Variants in C9orf72 observed in about 807,000 individuals in gnomAD.
C9orf72 encodes the protein guanine nucleotide exchange factor C9orf72.
In C9orf72, 44 loss-of-function variants were observed where a neutral mutation model predicts 51.6. The ratio of observed to expected loss-of-function variants is 0.85; its 90% confidence interval spans 0.67 to 1.10. C9orf72 has a LOEUF of 1.10. C9orf72 is among the 50% of genes least tolerant of loss of function. The probability of loss-of-function intolerance (pLI) is 0.00; values close to 1 mark genes in which losing one functional copy is unlikely to be tolerated. For missense variants in C9orf72, 607 were observed against 570.6 expected (o/e 1.06, Z -0.65); for synonymous variants, 213 against 194.2 (o/e 1.10, Z -0.81).
chr9:27,550,366 A>G (rs892198668), intron 9 of C9orf72, among the ~76,000 whole-genome samples: 12 of 152,142 alleles, frequency 7.9e-5, no homozygotes, highest in Admixed American at 3.3e-4. Context: ...TCTTATTATT[A>G]TATCTTTAAA....
chr9:27,548,337 T>A lies in C9orf72; in HGVS notation c.1345A>T (p.Met449Leu). 6.2e-7 allele frequency: 1 copy of A among 1,611,836 alleles called. No homozygotes were observed. The highest frequency in any genetic ancestry group is 2.2e-5 in the East Asian group (1 of 44,776). Reference sequence around the variant, plus strand: ...GGTTTAATTTTCTCAGCCAGAGCCATTATTATGTTAAGATCGCCCTCTGCT... The same window carrying A: ...GGTTTAATTTTCTCAGCCAGAGCCAATATTATGTTAAGATCGCCCTCTGCT... ...LTAEGDLNII[M>L]ALAEKIKPGL... is the part of the protein sequence containing the mutation. The change falls in exon 11 of 11, where the codon ATG becomes TTG. Residue 449 changes from methionine (M) to leucine (L), a missense_variant. Transcript: ENST00000380003.
chr9:27,557,996 C>A (rs892003050), intron 7 of C9orf72, among the ~76,000 whole-genome samples: 3 of 150,880 alleles, frequency 2.0e-5, no homozygotes, highest in Non-Finnish European at 4.4e-5. Flanking sequence ...TGCTAATTTA[C>A]ATTTCTCTGT....
intron 3 of C9orf72, among the ~76,000 whole-genome samples, chr9:27,563,163 A>G (rs1819391281): frequency 1.3e-5 from 2 of 152,220 alleles, no homozygotes; most frequent in African/African-American, 4.8e-5. Flanking sequence ...CATACTCATA[A>G]AAGTATAATC....
intron 3 of C9orf72, 148 bp from the exon 4 acceptor site, chr9:27,562,624 CAT>C (rs1277990810): frequency 4.7e-6 from 2 of 425,722 alleles, no homozygotes; most frequent in African/African-American, 4.1e-5. Context: ...AAGTCTACTA[CAT>C]GTCTAAAGGA....
Position 27,562,455 on chromosome 9 carries a change from G to T in C9orf72, c.526C>A (p.Leu176Ile). ...EDQGQSIIPM[L>I]TGEVIPVMEL... ...ATTACAGGAATCACTTCTCCAGTAAGCATTGGAATAATACTCTGACCCTGC... is the reference window on the plus strand; with the variant it reads ...ATTACAGGAATCACTTCTCCAGTAATCATTGGAATAATACTCTGACCCTGC... The change falls in exon 4 of 11, where the codon CTT becomes ATT. Residue 176 changes from leucine to isoleucine, a missense_variant. Physicochemically the swap from Leu to Ile is conservative, Grantham distance 5 (BLOSUM62 2). Coordinates refer to ENST00000380003, the MANE Select transcript of C9orf72 (RefSeq NM_018325.5). 6.3e-7 allele frequency: 1 copy of T among 1,587,134 alleles called. No individual in the cohort carries two copies. Among genetic ancestry groups the T allele is most frequent in the Non-Finnish European group, 8.6e-7 (1 of 1,163,648 alleles).
rs1220476531 is a variant in C9orf72 at position 27,548,608 on chromosome 9, A to G, written c.1208T>C (p.Leu403Pro). The G allele has an allele frequency of 6.2e-7, 1 of 1,612,804 alleles. No homozygotes were observed. The highest frequency in any genetic ancestry group is 1.3e-5 in the African/African-American group (1 of 74,894). Reference sequence around the variant, plus strand: ...TGTCAAGGCTTTTCTGTGAAGGACAAGTAGAAACTGTGCAAGGAAAGTACT... The same window carrying G: ...TGTCAAGGCTTTTCTGTGAAGGACAGGTAGAAACTGTGCAAGGAAAGTACT... ...LRSTFLAQFL[L>P]VLHRKALTLI... The change falls in exon 10 of 11, where the codon CTT (leucine) becomes CCT (proline). Residue 403 changes from leucine (L) to proline (P), a missense_variant. Physicochemically the swap from Leu to Pro is moderately conservative, Grantham distance 98. Transcript: ENST00000380003.
chr9:27,560,641 G>GAT, intron 5 of C9orf72: 2 of 1,014,632 alleles, frequency 2.0e-6, no homozygotes, highest in Non-Finnish European at 2.4e-6. Flanking sequence ...GATTTAAAAT[G>GAT]ATGTATGAAA....
In C9orf72 at chr9:27,560,809, T is replaced by C. The variant is rs878966701; in HGVS notation, c.666-510A>G. On this transcript the variant is annotated intron_variant, in intron 5 of 10. Coordinates refer to ENST00000380003, the MANE Select transcript of C9orf72 (RefSeq NM_018325.5). ...ACTTTATACTTTTACTTCTCTTTTA[T>C]TAAAAGTAAAATTTCATGAAAATCT... 52 of 955,038 alleles carry C rather than the reference T, an allele frequency of 5.4e-5. 1 individual carries two copies. The South Asian group carries it at 2.2e-3, about 40-fold the overall frequency. 59.2% of individuals were successfully genotyped at this position (955,038 alleles called of 1,614,324 possible). A position where few individuals can be genotyped will look rare whatever the true frequency, so the allele number is the denominator to read the frequency against.
chr9:27,573,543 C>A (rs541988144), upstream of C9orf72: 5 of 137,030 alleles, frequency 3.6e-5, no homozygotes, highest in African/African-American at 1.3e-4. Context: ...CCGGCCCCGG[C>A]CCCTAGCGCG....
At chr9:27,551,319 TA>T (rs1394177937) in intron 8 of C9orf72, among the ~76,000 whole-genome samples, 2 of 152,158 alleles carry the variant, frequency 1.3e-5, no homozygotes, top group African/African-American at 4.8e-5. Flanking sequence ...AATGGCCACT[TA>T]AAATAATGTG....
intron 6 of C9orf72, chr9:27,559,094 C>G (rs1252514380): frequency 6.6e-6 from 1 of 152,224 alleles, no homozygotes; most frequent in African/African-American, 2.4e-5. Flanking sequence ...ACCTACAGCT[C>G]TATTAGGAAA....
At chr9:27,560,484 A>G in intron 5 of C9orf72, 185 bp from the exon 6 acceptor site, 5 of 630,400 alleles carry the variant, frequency 7.9e-6, no homozygotes, top group Non-Finnish European at 1.2e-5. Context: ...GACCTTTCAC[A>G]GAAATTTTCT....
rs554134109 is a variant in C9orf72 at position 27,551,154 on chromosome 9, A to T, written c.1092-447T>A. On this transcript the variant is annotated intron_variant, in intron 8 of 10. Coordinates refer to ENST00000380003, the MANE Select transcript of C9orf72 (RefSeq NM_018325.5). The stretch of plus-strand genomic sequence containing the variant: ...ATCAAAAACCAAAACAAACCAAAAA[A>T]TGTGAAGAAAAATTTGAGTGAGATT... Among the ~76,000 whole-genome samples, 3 of 152,328 alleles carry T rather than the reference A, an allele frequency of 2.0e-5. No homozygotes were observed. The South Asian group carries it at 6.2e-4, about 32-fold the overall frequency.
At position 27,561,621 on chromosome 9, in the gene C9orf72, T is replaced by TC. The variant is rs1238416907; in HGVS notation, c.628dup (p.Asp210GlyfsTer4). 6.2e-7 allele frequency: 1 copy of TC among 1,609,940 alleles called. No individual in the cohort carries two copies. The highest frequency in any genetic ancestry group is 8.5e-7 in the Non-Finnish European group (1 of 1,177,228). ...GCCTTCATGACAGCTGTCACCAATA[T>TC]CATCATCATTGAGTACTGTATCAGC... is the stretch of plus-strand genomic sequence containing the variant. On this transcript the variant is annotated frameshift_variant, in exon 5 of 11. Coordinates refer to ENST00000380003, the MANE Select transcript of C9orf72 (RefSeq NM_018325.5). LOFTEE classifies it high-confidence loss of function.
chr9:27,561,719 A>G, intron 4 of C9orf72, 70 bp from the exon 5 acceptor site: 1 of 999,536 alleles, frequency 1.0e-6, no homozygotes, highest in South Asian at 1.5e-5. Flanking sequence ...CTTTTAATAT[A>G]CAAGTTTTCG....
At chr9:27,568,085 T>TAAAA (rs1563906323) in intron 1 of C9orf72, among the ~76,000 whole-genome samples, 1 of 10,966 alleles carries the variant, frequency 9.1e-5, no homozygotes, top group African/African-American at 3.9e-4. Context: ...CGCTAAAAGG[T>TAAAA]CAAAAAAAAA....
intron 6 of C9orf72, 78 bp from the exon 7 acceptor site, chr9:27,558,685 T>G: frequency 1.4e-6 from 1 of 714,314 alleles, no homozygotes; most frequent in Non-Finnish European, 2.4e-6. Flanking sequence ...ATCTGAAATT[T>G]TAATTGTTAT....
intron 1 of C9orf72, among the ~76,000 whole-genome samples, chr9:27,568,086 CAAAAAAAAAAA>C (rs11418499): frequency 3.7e-5 from 3 of 80,610 alleles, no homozygotes; most frequent in African/African-American, 1.5e-4. Flanking sequence ...GCTAAAAGGT[CAAAAAAAAAAA>C]AAAAAAAAAA....
intron 7 of C9orf72, 137 bp from the exon 8 acceptor site, chr9:27,556,933 T>G: frequency 1.6e-6 from 1 of 634,778 alleles, no homozygotes. Flanking sequence ...CATGAGTGTG[T>G]GCAAAGTTTT....
Sources: gnomAD v4.1 joint callset for allele counts (sites outside exome capture counted in the v4.1 genomes callset) on GRCh38, gnomAD v4.1.1 for gene constraint, MANE v1.5 for transcripts, NCBI Gene and HGNC (gene_info 2026-07-23, HGNC 2026-07-21) for gene names.